Variants in INPP4A observed in about 807,000 individuals in gnomAD.
The protein encoded by INPP4A is inositol polyphosphate-4-phosphatase type I A, also known as inositol polyphosphate-4-phosphatase, type I, 107kD.
INPP4A carries 33 observed loss-of-function variants against 119.8 expected under a neutral mutation model. The observed-to-expected ratio is 0.28, with a 90% CI of 0.21 to 0.37. INPP4A has a LOEUF of 0.37. Ranked by LOEUF, INPP4A falls within the 10% of genes least tolerant of loss-of-function variation. The probability of loss-of-function intolerance (pLI) is 1.00; values close to 1 mark genes in which losing one functional copy is unlikely to be tolerated. For synonymous variants in INPP4A, 496 were observed against 500.7 expected (o/e 0.99, Z 0.12); for missense variants, 956 against 1,289.9 (o/e 0.74, Z 3.97).
intron 4 of INPP4A, among the ~76,000 whole-genome samples, chr2:98,526,749 A>G (rs1336598133): frequency 2.6e-5 from 4 of 152,238 alleles, no homozygotes; most frequent in African/African-American, 9.6e-5. Flanking sequence ...TGCAGGCTAT[A>G]CAAGCATGGC....
intron 1 of INPP4A, among the ~76,000 whole-genome samples, chr2:98,511,646 C>G (rs1333948933): frequency 6.6e-6 from 1 of 152,130 alleles, no homozygotes; most frequent in Non-Finnish European, 1.5e-5. Flanking sequence ...CCCTGGGAGT[C>G]CAGGGTCCAC....
chr2:98,493,237 G>C (rs1195193482), intron 1 of INPP4A, among the ~76,000 whole-genome samples: 1 of 151,994 alleles, frequency 6.6e-6, no homozygotes, highest in Non-Finnish European at 1.5e-5. Context: ...TTGGATGTTG[G>C]TTGTGAGTGG....
At chr2:98,494,303 G>A (rs2105289052) in intron 1 of INPP4A, among the ~76,000 whole-genome samples, 1 of 152,314 alleles carries the variant, frequency 6.6e-6, no homozygotes, top group South Asian at 2.1e-4. Context: ...ATAGGGCAGA[G>A]GTTCTACCTG....
chr2:98,464,596 A>G (rs954383407), intron 1 of INPP4A, among the ~76,000 whole-genome samples: 1 of 152,152 alleles, frequency 6.6e-6, no homozygotes, highest in African/African-American at 2.4e-5. Context: ...CTCAGTTCCC[A>G]TGTCAGAACT....
intron 5 of INPP4A, among the ~76,000 whole-genome samples, chr2:98,534,640 A>G (rs1689879872): frequency 6.6e-6 from 1 of 152,220 alleles, no homozygotes; most frequent in African/African-American, 2.4e-5. Flanking sequence ...TATCCTGGTC[A>G]GTGTGTGAAA....
At position 98,557,655 on chromosome 2, in the gene INPP4A, C is replaced by G. The variant is rs573045135; in HGVS notation, c.1823-1808C>G. ...TCCAGTTCTCTACCCTGTCCTAGGT[C>G]CTTGGTTTTTATTTTTCACCAGGGA... is the stretch of plus-strand genomic sequence containing the variant. On this transcript the variant is annotated intron_variant, in intron 16 of 24. Transcript: ENST00000409851. Among the ~76,000 whole-genome samples the G allele has an allele frequency of 2.0e-5, 3 of 152,342 alleles. No homozygotes were observed. In the East Asian group the frequency reaches 5.8e-4, roughly 29 times the overall value.
Position 98,566,237 on chromosome 2 carries a change from C to A in INPP4A, c.2420+68C>A, listed in dbSNP as rs536705871. On this transcript the variant is annotated intron_variant, in intron 21 of 24. Coordinates refer to ENST00000409851, the MANE Select transcript of INPP4A (RefSeq NM_001134225.2). The surrounding 1 kb of genome is among the most constrained non-coding windows in gnomAD (Gnocchi z 4.2). ...GGAGATGATGCAGAAAACGTACTTA[C>A]CCCTCTTCAGGCTCTAAGTGCTGGA... 17 of 1,455,472 alleles carry A rather than the reference C, an allele frequency of 1.2e-5. No individual in the cohort carries two copies. The Admixed American group carries it at 3.2e-4, about 28-fold the overall frequency. The allele number at this position is 1,455,472 out of a possible 1,614,324, so 90.2% of individuals were successfully genotyped here.
chr2:98,482,599 G>A (rs1399783024), intron 1 of INPP4A, among the ~76,000 whole-genome samples: 2 of 152,230 alleles, frequency 1.3e-5, no homozygotes, highest in Non-Finnish European at 2.9e-5. Context: ...CAGAATGGAG[G>A]TGTCTCCCCA....
intron 4 of INPP4A, among the ~76,000 whole-genome samples, chr2:98,526,440 T>TA (rs1293984681): frequency 6.6e-6 from 1 of 152,140 alleles, no homozygotes; most frequent in African/African-American, 2.4e-5. Flanking sequence ...TTTTTGGAAA[T>TA]AAAAATCAGT....
chr2:98,579,845 T>G (rs1046526406), intron 24 of INPP4A, among the ~76,000 whole-genome samples: 7 of 152,252 alleles, frequency 4.6e-5, no homozygotes, highest in Non-Finnish European at 8.8e-5. Flanking sequence ...TGTATCACTT[T>G]AATAGTTTTT....
At chr2:98,488,973 GTGTGTGTGTGTA>G (rs1285811332) in intron 1 of INPP4A, among the ~76,000 whole-genome samples, 2 of 151,136 alleles carry the variant, frequency 1.3e-5, no homozygotes. Context: ...GTGTGTGTGT[GTGTGTGTGTGTA>G]AATGGTGTAG....
At chr2:98,508,830 G>A (rs917994045) in intron 1 of INPP4A, among the ~76,000 whole-genome samples, 3 of 152,268 alleles carry the variant, frequency 2.0e-5, no homozygotes, top group Admixed American at 6.5e-5. Flanking sequence ...ACAGCAGACC[G>A]CCATGTACAG....
Position 98,570,685 on chromosome 2 carries a change from C to T in INPP4A, c.2518+2017C>T, listed in dbSNP as rs1481962230. Among the ~76,000 whole-genome samples, 1 of 152,136 alleles carries T rather than the reference C, an allele frequency of 6.6e-6. No individual in the cohort carries two copies. Among genetic ancestry groups the T allele is most frequent in the Non-Finnish European group, 1.5e-5 (1 of 68,020 alleles). The stretch of plus-strand genomic sequence containing the variant: ...AAGATGCAAGAGGACACCAGAGTCA[C>T]AGACCAGGCCCTGGAGTGGGCAGGC... On this transcript the variant is annotated intron_variant, in intron 22 of 24. Coordinates refer to ENST00000409851, the MANE Select transcript of INPP4A (RefSeq NM_001134225.2). This position sits in a 1 kb window ranked among gnomAD's most constrained non-coding sequence, Gnocchi z 4.3.
Position 98,568,617 on chromosome 2 carries a change from G to A in INPP4A, c.2467G>A (p.Val823Met), listed in dbSNP as rs763443290. The A allele has an allele frequency of 6.2e-7, 1 of 1,605,348 alleles. No homozygotes were observed. The highest frequency in any genetic ancestry group is 1.3e-5 in the African/African-American group (1 of 74,854). ...LQEVINVESL[V>M]RLNSYFEQFK... Reference sequence around the variant, plus strand: ...AGAAGTCATCAACGTGGAGAGTTTGGTGCGGTTAAATTCCTACTTTGAGCA... The same window carrying A: ...AGAAGTCATCAACGTGGAGAGTTTGATGCGGTTAAATTCCTACTTTGAGCA... The change falls in exon 22 of 25, where the codon GTG (valine) becomes ATG (methionine). Residue 823 changes from valine (V) to methionine (M), a missense_variant. Transcript: ENST00000409851.
At chr2:98,534,116 C>T (rs1264118051) in intron 5 of INPP4A, among the ~76,000 whole-genome samples, 8 of 152,218 alleles carry the variant, frequency 5.3e-5, no homozygotes, top group Non-Finnish European at 1.0e-4. Context: ...TTCTTCTTCA[C>T]CAGTTGTGCA....
chr2:98,506,638 C>T (rs968693411), intron 1 of INPP4A, among the ~76,000 whole-genome samples: 1 of 152,232 alleles, frequency 6.6e-6, no homozygotes, highest in East Asian at 1.9e-4. Flanking sequence ...CTCTCTTGAC[C>T]CTCTTCTGTG....
chr2:98,526,776 C>T (rs1688250254), intron 4 of INPP4A, among the ~76,000 whole-genome samples: 1 of 152,196 alleles, frequency 6.6e-6, no homozygotes, highest in Admixed American at 6.5e-5. Context: ...ATCTTCTCAG[C>T]TTCTGGTGAG....
chr2:98,571,181 CT>C (rs1228872486), intron 22 of INPP4A, among the ~76,000 whole-genome samples: 1 of 152,232 alleles, frequency 6.6e-6, no homozygotes, highest in African/African-American at 2.4e-5. Context: ...GCTGGGCCCC[CT>C]ACTATCCACT....
At chr2:98,584,214 C>A (rs1183282556) in intron 24 of INPP4A, among the ~76,000 whole-genome samples, 1 of 152,228 alleles carries the variant, frequency 6.6e-6, no homozygotes, top group African/African-American at 2.4e-5. Context: ...TTGAGGCGTG[C>A]ACTTCAACTA....
Sources: gnomAD v4.1 joint callset for allele counts (sites outside exome capture counted in the v4.1 genomes callset) on GRCh38, gnomAD v4.1.1 for gene constraint, Gnocchi (gnomAD v3.1) non-coding constraint, MANE v1.5 for transcripts, NCBI Gene and HGNC (gene_info 2026-07-23, HGNC 2026-07-21) for gene names.